The following LINGO2 variants were observed in gnomAD, a reference collection of about 807,000 sequenced individuals.
The protein encoded by LINGO2 is leucine-rich repeat and immunoglobulin-like domain-containing nogo receptor-interacting protein 2.
In LINGO2, 14 loss-of-function variants were observed where a neutral mutation model predicts 30.6. That is an observed-to-expected ratio of 0.46 (90% CI 0.30 to 0.72). LINGO2 has a LOEUF of 0.72. Ranked by LOEUF, LINGO2 falls within the 30% of genes least tolerant of loss-of-function variation. The pLI is 0.07. For synonymous variants in LINGO2, 317 were observed against 288.5 expected, an observed-to-expected ratio of 1.10 and a Z score of -1.00; for missense variants, 729 against 751.7, an observed-to-expected ratio of 0.97 and a Z score of 0.35.
rs769933222 is a variant in LINGO2, at chr9:28,468,928, AAAAGGAAC to A, written c.-279+7004_-279+7011del. 5.9e-5 allele frequency among the ~76,000 whole-genome samples: 9 copies of A among 152,322 alleles called. No homozygotes were observed. The South Asian group carries it at 1.9e-3, about 32-fold the overall frequency. ...AAGAGATAGGGTAATACGGTCCATCAAAAGGAACAAAGTTAACTTTCAGAAACTGTCTC... is the reference window on the plus strand; with the variant it reads ...AAGAGATAGGGTAATACGGTCCATCAAAAGTTAACTTTCAGAAACTGTCTC... On this transcript the variant is annotated intron_variant, in intron 2 of 5. Transcript: ENST00000379992.
intron 1 of LINGO2, among the ~76,000 whole-genome samples, chr9:28,480,484 T>C (rs1172686001): frequency 1.3e-5 from 2 of 152,034 alleles, no homozygotes; most frequent in East Asian, 1.9e-4. Context: ...TGACAATTGT[T>C]TAGGTAAATT....
chr9:28,580,283 A>G (rs1824195882), intron 1 of LINGO2, among the ~76,000 whole-genome samples: 1 of 152,056 alleles, frequency 6.6e-6, no homozygotes, highest in African/African-American at 2.4e-5. Context: ...GTCATTAGCT[A>G]TAAGAAAAAG....
At chr9:29,028,460 CAGAG>C in the LINGO2 span, among the ~76,000 whole-genome samples, 1 of 146,722 alleles carries the variant, frequency 6.8e-6, no homozygotes, top group Non-Finnish European at 1.5e-5. Context: ...CAGAGAGAGA[CAGAG>C]AGAGAGAGAG....
chr9:28,568,321 C>G (rs567986145), intron 1 of LINGO2, among the ~76,000 whole-genome samples: 1 of 152,020 alleles, frequency 6.6e-6, no homozygotes, highest in Non-Finnish European at 1.5e-5. Flanking sequence ...CGGGGGTCTA[C>G]TTGTGGGTAG....
intron 4 of LINGO2, among the ~76,000 whole-genome samples, chr9:28,194,561 T>TAAAA (rs555810032): frequency 1.6e-3 from 180 of 114,490 alleles, no homozygotes; most frequent in African/African-American, 2.5e-3. Context: ...CTCTCTATCC[T>TAAAA]AAAAAAAAAA....
chr9:29,069,253 C>T, the LINGO2 span, among the ~76,000 whole-genome samples: 1 of 151,946 alleles, frequency 6.6e-6, no homozygotes, highest in Non-Finnish European at 1.5e-5. Flanking sequence ...TATATTTTGA[C>T]TTGAAATAAA....
intron 4 of LINGO2, among the ~76,000 whole-genome samples, chr9:28,098,161 T>G (rs113021971): frequency 0.088 from 13,348 of 151,994 alleles, 830 homozygotes; most frequent in Middle Eastern, 0.18. Flanking sequence ...AAAAATTAGC[T>G]GGGTGTGGTG....
At chr9:29,163,234 C>T in the LINGO2 span, among the ~76,000 whole-genome samples, 1 of 152,090 alleles carries the variant, frequency 6.6e-6, no homozygotes, top group Non-Finnish European at 1.5e-5. Context: ...AAACTGAAAT[C>T]AATACTGACA....
chr9:28,549,316 C>A (rs1159170893), intron 1 of LINGO2, among the ~76,000 whole-genome samples: 1 of 151,988 alleles, frequency 6.6e-6, no homozygotes, highest in Non-Finnish European at 1.5e-5. Flanking sequence ...AGTTTTAGTT[C>A]ATTAATTTAA....
chr9:28,569,561 T>C (rs1041395509), intron 1 of LINGO2, among the ~76,000 whole-genome samples: 4 of 147,588 alleles, frequency 2.7e-5, no homozygotes, highest in African/African-American at 5.0e-5. Flanking sequence ...ATATCACTTA[T>C]GCATGAAACT....
chr9:28,976,088 G>A, the LINGO2 span, among the ~76,000 whole-genome samples: 3 of 152,190 alleles, frequency 2.0e-5, no homozygotes, highest in Admixed American at 6.5e-5. Flanking sequence ...CCTACTTGTA[G>A]GCTGTGATCC....
the LINGO2 span, chr9:27,942,206 C>G: frequency 6.6e-6 from 1 of 152,164 alleles, no homozygotes; most frequent in Non-Finnish European, 1.5e-5. Flanking sequence ...TGTGAGTTAT[C>G]TCCACTCACC....
rs183665132 is a variant in LINGO2, at chr9:28,589,834, G to A, written c.-365+80366C>T. On this transcript the variant is annotated intron_variant, in intron 1 of 5. Transcript: ENST00000379992. ...TTCATATGGAACCAAAAAAGAGCCC[G>A]CATTGCCAAGACAATCCTAAGCCAA... Among the ~76,000 whole-genome samples, 432 of 152,050 alleles carry A rather than the reference G, an allele frequency of 2.8e-3. 1 individual carries two copies. Among genetic ancestry groups the A allele is most frequent in the Non-Finnish European group, 3.5e-3 (240 of 67,966 alleles).
chr9:29,141,168 A>T, the LINGO2 span, among the ~76,000 whole-genome samples: 14 of 152,054 alleles, frequency 9.2e-5, no homozygotes, highest in South Asian at 6.2e-4. Flanking sequence ...GTAGTATGTA[A>T]ATAACTTTAA....
intron 4 of LINGO2, among the ~76,000 whole-genome samples, chr9:28,166,891 A>G (rs1413061460): frequency 6.6e-6 from 1 of 152,158 alleles, no homozygotes; most frequent in Non-Finnish European, 1.5e-5. Flanking sequence ...TCATGTACCT[A>G]CTAAAGTATG....
chr9:28,356,921 G>C (rs927372474), intron 3 of LINGO2, among the ~76,000 whole-genome samples: 10 of 95,278 alleles, frequency 1.0e-4, no homozygotes, highest in Middle Eastern at 5.0e-3. Context: ...ATATGGGGTA[G>C]GGGTAAAAAC....
At chr9:28,897,748 A>C in the LINGO2 span, among the ~76,000 whole-genome samples, 9 of 152,158 alleles carry the variant, frequency 5.9e-5, no homozygotes, top group African/African-American at 2.2e-4. Context: ...TTTTAGAGTA[A>C]TGAAAGCAAA....
intron 2 of LINGO2, among the ~76,000 whole-genome samples, chr9:28,419,787 A>T (rs1823115277): frequency 6.9e-6 from 1 of 145,130 alleles, no homozygotes; most frequent in Non-Finnish European, 1.5e-5. Context: ...AAATACTACA[A>T]AAGAACAAAG....
intron 1 of LINGO2, among the ~76,000 whole-genome samples, chr9:28,571,070 C>T (rs982699010): frequency 4.6e-5 from 7 of 151,550 alleles, no homozygotes; most frequent in Non-Finnish European, 5.9e-5. Context: ...ATCATTAAAA[C>T]GTTAGAAGAA....
Sources: gnomAD v4.1 joint callset for allele counts (sites outside exome capture counted in the v4.1 genomes callset) on GRCh38, gnomAD v4.1.1 for gene constraint, MANE v1.5 for transcripts, NCBI Gene and HGNC (gene_info 2026-07-23, HGNC 2026-07-21) for gene names.